PLEKHA6: variants seen among roughly 807,000 people sequenced by gnomAD.
The protein encoded by PLEKHA6 is pleckstrin homology domain-containing family A member 6.
PLEKHA6 carries 60 observed loss-of-function variants against 116.7 expected under a neutral mutation model. That is an observed-to-expected ratio of 0.51 (90% CI 0.42 to 0.64). The LOEUF (loss-of-function observed/expected upper bound fraction) is 0.64, where lower values mean the gene tolerates loss of function less well. PLEKHA6 is among the 30% of genes least tolerant of loss of function. The pLI, the probability that PLEKHA6 is intolerant of heterozygous loss-of-function variation, is 0.00. For missense variants in PLEKHA6, 1,338 were observed against 1,422.7 expected, an observed-to-expected ratio of 0.94 and a Z score of 0.96; for synonymous variants, 489 against 556.1, an observed-to-expected ratio of 0.88 and a Z score of 1.70.
intron 1 of PLEKHA6, among the ~76,000 whole-genome samples, chr1:204,320,692 C>T (rs557715062): frequency 2.5e-4 from 38 of 152,330 alleles, no homozygotes; most frequent in South Asian, 2.3e-3. Context: ...ATTGCTCATA[C>T]ATCAACTGCT....
chr1:204,327,727 C>T (rs1477669661), intron 1 of PLEKHA6, among the ~76,000 whole-genome samples: 1 of 152,228 alleles, frequency 6.6e-6, no homozygotes, highest in East Asian at 1.9e-4. Flanking sequence ...ACTCAGGGGG[C>T]CTGTCTCAAG....
intron 1 of PLEKHA6, among the ~76,000 whole-genome samples, chr1:204,279,807 A>C (rs1369429148): frequency 6.6e-6 from 1 of 152,202 alleles, no homozygotes; most frequent in Non-Finnish European, 1.5e-5. Context: ...TTGGGCCCTT[A>C]GTTTTCTCAT....
intron 1 of PLEKHA6, among the ~76,000 whole-genome samples, chr1:204,304,780 G>A (rs752302794): frequency 2.6e-5 from 4 of 152,266 alleles, no homozygotes; most frequent in East Asian, 1.9e-4. Context: ...AAGATCCTAC[G>A]CTTTTGGGAT....
At chr1:204,307,400 C>T (rs1193843801) in intron 1 of PLEKHA6, 1 of 152,320 alleles carries the variant, frequency 6.6e-6, no homozygotes, top group Non-Finnish European at 1.5e-5. Flanking sequence ...AGGAGTGAAG[C>T]AATACTTCTG....
intron 1 of PLEKHA6, among the ~76,000 whole-genome samples, chr1:204,281,395 G>T (rs1231810096): frequency 6.6e-6 from 1 of 151,850 alleles, no homozygotes; most frequent in Non-Finnish European, 1.5e-5. Context: ...CCTGGTGGCG[G>T]GCACCTGTAG....
intron 1 of PLEKHA6, among the ~76,000 whole-genome samples, chr1:204,324,326 T>C (rs1672167672): frequency 6.6e-6 from 1 of 152,032 alleles, no homozygotes; most frequent in African/African-American, 2.4e-5. Flanking sequence ...GAGGATAGAA[T>C]AGGGTTTGTC....
At chr1:204,346,926 T>G in intron 1 of PLEKHA6, 1 of 1,231,748 alleles carries the variant, frequency 8.1e-7, no homozygotes, top group Non-Finnish European at 1.2e-6. Flanking sequence ...TCTGATCATT[T>G]TCCTTCACAC....
chr1:204,257,640 C>T lies in PLEKHA6; in HGVS notation c.1237G>A (p.Ala413Thr), dbSNP rs766305489. Residue 413 changes from alanine (A) to threonine (T), a missense_variant, in exon 9 of 23, where the codon GCC (alanine) becomes ACC (threonine). Around this residue, in one of 3 missense-constraint regions of PLEKHA6, gnomAD observed 1,136 missense variants for 1,163.6 expected, o/e 0.98. Transcript: ENST00000272203. The surrounding 1 kb of genome is among the most constrained non-coding windows in gnomAD (Gnocchi z 6.5). ...AYQLREWKEP[A>T]SYGRQDATVW... ...GTGGCATCCTGCCGCCCGTAGCTGGCGGGCTCCTTCCACTCTCGCAGCTGG... is the reference window on the plus strand; with the variant it reads ...GTGGCATCCTGCCGCCCGTAGCTGGTGGGCTCCTTCCACTCTCGCAGCTGG... 62 of 1,609,054 alleles carry T rather than the reference C, an allele frequency of 3.9e-5. No homozygotes were observed. Among genetic ancestry groups the T allele is most frequent in the East Asian group, 1.1e-4 (5 of 44,798 alleles).
chr1:204,364,050 A>G (rs1418350557), upstream of PLEKHA6, among the ~76,000 whole-genome samples: 1 of 152,160 alleles, frequency 6.6e-6, no homozygotes, highest in African/African-American at 2.4e-5. Context: ...TTGACACACA[A>G]TTAACACATT....
intron 1 of PLEKHA6, among the ~76,000 whole-genome samples, chr1:204,371,970 G>A (rs1183648533): frequency 1.3e-5 from 2 of 152,144 alleles, no homozygotes; most frequent in African/African-American, 4.8e-5. Context: ...TTAAGGAAGG[G>A]GAAGCATGAA....
At chr1:204,267,576 G>A (rs747909780) in intron 4 of PLEKHA6, 29 bp from the exon 5 acceptor site, 25 of 1,599,056 alleles carry the variant, frequency 1.6e-5, no homozygotes, top group Non-Finnish European at 2.0e-5. Flanking sequence ...GCAGATGTGA[G>A]GGCTGCAAGC....
chr1:204,344,203 G>A (rs780256540), intron 1 of PLEKHA6, among the ~76,000 whole-genome samples: 35 of 152,174 alleles, frequency 2.3e-4, no homozygotes, highest in Non-Finnish European at 4.3e-4. Context: ...ATGAGCTGTT[G>A]CTGCTGACAC....
intron 7 of PLEKHA6, among the ~76,000 whole-genome samples, chr1:204,260,969 T>C (rs1293394036): frequency 6.6e-6 from 1 of 152,174 alleles, no homozygotes; most frequent in African/African-American, 2.4e-5. Context: ...AACCTGAGTT[T>C]ATTTTCCTCC....
chr1:204,240,205 G>T (rs1662608578), intron 17 of PLEKHA6, among the ~76,000 whole-genome samples: 1 of 152,204 alleles, frequency 6.6e-6, no homozygotes, highest in African/African-American at 2.4e-5. Flanking sequence ...AGTATTAAGA[G>T]ATCCTGTGAT....
chr1:204,259,431 G>T lies in PLEKHA6; in HGVS notation c.834C>A (p.Ser278Arg), dbSNP rs1665811633. Residue 278 changes from serine to arginine, a missense_variant, in exon 8 of 23, where the codon AGC becomes AGA. Transcript: ENST00000272203. The surrounding 1 kb of genome is among the most constrained non-coding windows in gnomAD (Gnocchi z 4.6). Reference sequence around the variant, plus strand: ...ACGGGAAAGCTGTGCTCCCTGGCCGGCTTGGGGAGTGGTACTGCCAGCCAT... The same window carrying T: ...ACGGGAAAGCTGTGCTCCCTGGCCGTCTTGGGGAGTGGTACTGCCAGCCAT... ...QPNGWQYHSP[S>R]RPGSTAFPSQ... is the part of the protein sequence containing the mutation. The T allele has an allele frequency of 6.2e-7, 1 of 1,614,118 alleles. No individual in the cohort carries two copies. The highest frequency in any genetic ancestry group is 1.7e-5 in the Admixed American group (1 of 60,014).
chr1:204,287,448 G>A (rs1284153184), intron 1 of PLEKHA6, among the ~76,000 whole-genome samples: 1 of 152,108 alleles, frequency 6.6e-6, no homozygotes, highest in Admixed American at 6.5e-5. Context: ...GGAAGTTGAG[G>A]GAATGGGGGC....
intron 15 of PLEKHA6, among the ~76,000 whole-genome samples, chr1:204,243,702 T>C (rs1663182348): frequency 2.0e-5 from 3 of 152,360 alleles, no homozygotes; most frequent in East Asian, 3.9e-4. Context: ...TGTGGCTTAA[T>C]GTTGAGACAT....
intron 1 of PLEKHA6, among the ~76,000 whole-genome samples, chr1:204,349,887 T>G (rs1673219150): frequency 6.6e-6 from 1 of 152,178 alleles, no homozygotes; most frequent in African/African-American, 2.4e-5. Flanking sequence ...AGTTGAAGGG[T>G]GAAGACTATC....
intron 1 of PLEKHA6, among the ~76,000 whole-genome samples, chr1:204,307,025 C>T (rs991614541): frequency 1.7e-4 from 26 of 151,914 alleles, no homozygotes; most frequent in Middle Eastern, 3.4e-3. Flanking sequence ...TGAGAGACCC[C>T]GAGGAAGATG....
Sources: allele counts gnomAD v4.1 joint callset (sites outside exome capture counted in the v4.1 genomes callset), GRCh38; gene constraint gnomAD v4.1.1; regional missense constraint gnomAD v4.1.1; non-coding constraint Gnocchi (gnomAD v3.1); transcripts MANE v1.5; gene names NCBI Gene and HGNC (gene_info 2026-07-23, HGNC 2026-07-21).